PHACTR1: variants seen among roughly 807,000 people sequenced by gnomAD.
PHACTR1 encodes RPEL repeat containing 1.
In PHACTR1, 16 loss-of-function variants were observed where a neutral mutation model predicts 69.2. The observed-to-expected ratio is 0.23, with a 90% CI of 0.16 to 0.35. The LOEUF is 0.35. Among genes scored for constraint, PHACTR1 ranks in the 10% least tolerant of loss-of-function variants. The pLI is 1.00. For synonymous variants in PHACTR1, 312 were observed against 284.5 expected (o/e 1.10, Z -0.97); for missense variants, 510 against 734.7 (o/e 0.69, Z 3.54).
At chr6:13,281,535 C>T (rs1362659218) in intron 12 of PHACTR1, 3 of 219,960 alleles carry the variant, frequency 1.4e-5, no homozygotes, top group South Asian at 4.6e-5. Context: ...CCAGCCTGGG[C>T]AACAGAGTGA....
At chr6:12,804,807 A>T (rs6930873) in intron 4 of PHACTR1, among the ~76,000 whole-genome samples, 56,593 of 152,078 alleles carry the variant, frequency 0.37, 11,345 homozygotes, top group African/African-American at 0.5. Context: ...TCAAAATAAA[A>T]AATATTTTAT....
At chr6:12,743,205 A>C (rs1765299885) in intron 3 of PHACTR1, among the ~76,000 whole-genome samples, 1 of 147,326 alleles carries the variant, frequency 6.8e-6, no homozygotes, top group Non-Finnish European at 1.5e-5. Context: ...AAAAAAAAAA[A>C]CAAACGTAAA....
At chr6:13,061,987 A>G (rs1807749134) in intron 5 of PHACTR1, among the ~76,000 whole-genome samples, 5 of 152,186 alleles carry the variant, frequency 3.3e-5, no homozygotes. Flanking sequence ...GCAGCTTCAG[A>G]TACAAATAAT....
chr6:12,928,166 A>G (rs559692218), intron 4 of PHACTR1, among the ~76,000 whole-genome samples: 1 of 152,246 alleles, frequency 6.6e-6, no homozygotes, highest in South Asian at 2.1e-4. Context: ...AGGGCTCATT[A>G]ACACGTAGAA....
chr6:12,777,283 G>A (rs1427328896), intron 4 of PHACTR1, among the ~76,000 whole-genome samples: 3 of 150,970 alleles, frequency 2.0e-5, no homozygotes, highest in South Asian at 4.2e-4. Flanking sequence ...ACGTGTGCAG[G>A]TTTGTTATAT....
chr6:12,964,689 T>C (rs922226395), intron 4 of PHACTR1, among the ~76,000 whole-genome samples: 1 of 152,154 alleles, frequency 6.6e-6, no homozygotes, highest in Non-Finnish European at 1.5e-5. Context: ...TGGAAGTTGA[T>C]GGGGGCACCA....
chr6:13,004,939 A>C (rs1798600120), intron 4 of PHACTR1, among the ~76,000 whole-genome samples: 5 of 152,060 alleles, frequency 3.3e-5, no homozygotes, highest in Admixed American at 3.3e-4. Context: ...TCTATGTAAA[A>C]TATACAATAC....
At chr6:12,738,552 T>C (rs1035195348) in intron 3 of PHACTR1, among the ~76,000 whole-genome samples, 3 of 152,184 alleles carry the variant, frequency 2.0e-5, no homozygotes, top group Admixed American at 6.5e-5. Flanking sequence ...ACGAGCCAGC[T>C]CTCAGCATTC....
intron 4 of PHACTR1, among the ~76,000 whole-genome samples, chr6:12,864,987 G>A (rs545341389): frequency 6.6e-6 from 1 of 152,344 alleles, no homozygotes; most frequent in African/African-American, 2.4e-5. Context: ...GTGTGCTAGT[G>A]CCACTGTGTT....
intron 4 of PHACTR1, among the ~76,000 whole-genome samples, chr6:12,757,517 C>T (rs1767473052): frequency 6.6e-6 from 1 of 152,082 alleles, no homozygotes; most frequent in African/African-American, 2.4e-5. Flanking sequence ...TAGAGAGGGG[C>T]ACCGAAGAAG....
At chr6:13,284,569 T>G (rs529877797) in intron 13 of PHACTR1, among the ~76,000 whole-genome samples, 117 of 101,982 alleles carry the variant, frequency 1.1e-3, no homozygotes, top group South Asian at 8.6e-3. Context: ...TATATATATA[T>G]AGATACACGT....
At chr6:12,978,145 A>C (rs1400627174) in intron 4 of PHACTR1, among the ~76,000 whole-genome samples, 1 of 152,172 alleles carries the variant, frequency 6.6e-6, no homozygotes, top group African/African-American at 2.4e-5. Context: ...CCTGGTTTGC[A>C]GCAGTGCCCT....
intron 3 of PHACTR1, among the ~76,000 whole-genome samples, chr6:12,724,211 C>T (rs1039657472): frequency 1.2e-4 from 18 of 152,196 alleles, no homozygotes; most frequent in Non-Finnish European, 2.4e-4. Flanking sequence ...CCTGTAATCC[C>T]AGCTACTCAG....
chr6:12,971,601 G>A (rs1269703666), intron 4 of PHACTR1, among the ~76,000 whole-genome samples: 1 of 152,158 alleles, frequency 6.6e-6, no homozygotes, highest in Admixed American at 6.5e-5. Flanking sequence ...TAGTTACTGA[G>A]GGGTAGGATG....
intron 6 of PHACTR1, among the ~76,000 whole-genome samples, chr6:13,173,765 A>C (rs1213204267): frequency 2.0e-5 from 3 of 152,128 alleles, no homozygotes; most frequent in African/African-American, 7.2e-5. Context: ...CTGGAATGCA[A>C]TGGCGCAATC....
At chr6:13,274,689 C>T (rs1399052628) in intron 11 of PHACTR1, 4 of 152,190 alleles carry the variant, frequency 2.6e-5, no homozygotes, top group East Asian at 1.9e-4. Flanking sequence ...ATCAGATCCC[C>T]GCTGTGGCTT....
intron 5 of PHACTR1, among the ~76,000 whole-genome samples, chr6:13,139,862 A>G (rs1333054479): frequency 9.2e-5 from 14 of 152,262 alleles, no homozygotes; most frequent in Non-Finnish European, 2.9e-5. Context: ...CCTTCCTCCT[A>G]ACTTACTCAT....
At chr6:13,233,074 C>T (rs1473011263) in intron 10 of PHACTR1, among the ~76,000 whole-genome samples, 1 of 152,200 alleles carries the variant, frequency 6.6e-6, no homozygotes, top group Non-Finnish European at 1.5e-5. Context: ...TGCTTGTTCA[C>T]TGTGGGGTCC....
intron 8 of PHACTR1, among the ~76,000 whole-genome samples, chr6:13,223,412 T>C (rs1357743223): frequency 2.0e-5 from 3 of 152,220 alleles, no homozygotes; most frequent in Non-Finnish European, 2.9e-5. Flanking sequence ...CTGAACGCCC[T>C]GAGTATTAAA....
Sources: gnomAD v4.1 joint callset for allele counts (sites outside exome capture counted in the v4.1 genomes callset) on GRCh38, gnomAD v4.1.1 for gene constraint, MANE v1.5 for transcripts, NCBI Gene and HGNC (gene_info 2026-07-23, HGNC 2026-07-21) for gene names.